The following LRRC27 variants were observed in gnomAD, a reference collection of about 807,000 sequenced individuals.
The protein encoded by LRRC27 is leucine-rich repeat-containing protein 27.
LRRC27 carries 57 observed loss-of-function variants against 55.0 expected under a neutral mutation model. That is an observed-to-expected ratio of 1.04 (90% CI 0.84 to 1.29). The LOEUF is 1.29. Ranked by LOEUF, LRRC27 falls within the 50% of genes most tolerant of loss-of-function variation. The pLI is 0.00. For missense variants in LRRC27, 721 were observed against 651.5 expected, an observed-to-expected ratio of 1.11 and a Z score of -1.16; for synonymous variants, 278 against 251.9, an observed-to-expected ratio of 1.10 and a Z score of -0.98.
rs763485575 is a variant in LRRC27, at chr10:132,365,558, T to C, written c.1416+8T>C. The C allele has an allele frequency of 5.6e-6, 9 of 1,612,032 alleles. No homozygotes were observed. In the African/African-American group the frequency reaches 1.2e-4, roughly 22 times the overall value. ...GCCGAGGATCTGGAAATTGTAAGGA[T>C]TTCTTGGTTCTGTTTAAAAAAGTGT... On this transcript the variant is annotated splice_region_variant and intron_variant, in intron 10 of 10. Transcript: ENST00000368614.
intron 2 of LRRC27, among the ~76,000 whole-genome samples, chr10:132,335,484 G>C (rs1232345909): frequency 1.3e-5 from 2 of 150,658 alleles, no homozygotes. Flanking sequence ...ATGGGGGGGG[G>C]TCACAGTCTT....
At chr10:132,364,715 G>A (rs1482265417) in intron 9 of LRRC27, among the ~76,000 whole-genome samples, 2 of 2,428 alleles carry the variant, frequency 8.2e-4, no homozygotes, top group African/African-American at 1.8e-3. Flanking sequence ...CCACACTCAT[G>A]CAGTCCGCGT....
chr10:132,337,792 A>G lies in LRRC27; in HGVS notation c.341+97A>G, dbSNP rs1158823076. 6 of 1,392,946 alleles carry G rather than the reference A, an allele frequency of 4.3e-6. No individual in the cohort carries two copies. In the African/African-American group the frequency reaches 7.3e-5, roughly 17 times the overall value. 86.3% of individuals were successfully genotyped at this position (1,392,946 alleles called of 1,614,324 possible). ...GTCCTTTACTCTTGATTAAATTTTT[A>G]CCTCGGAATAGAAACATTTAATAGT... On this transcript the variant is annotated intron_variant, in intron 3 of 10. Transcript: ENST00000368614.
chr10:132,344,503 G>T lies in LRRC27; in HGVS notation c.406G>T (p.Val136Leu). 6.2e-7 allele frequency: 1 copy of T among 1,612,534 alleles called. No homozygotes were observed. The part of the protein sequence containing the change: ...IKMLPVELGS[V>L]TTLKALNLRH... ...TTTTTTTTCCTCCACTGCAGGGAGC[G>T]TAACCACGCTGAAAGCACTGAACCT... The change falls in exon 5 of 11, where the codon GTA becomes TTA. Residue 136 changes from valine to leucine, a missense_variant. Physicochemically the swap from Val to Leu is conservative, Grantham distance 32. Transcript: ENST00000368614.
chr10:132,333,314 C>CAT (rs2066915640), intron 1 of LRRC27, among the ~76,000 whole-genome samples, 163 bp from the exon 2 acceptor site: 1 of 149,186 alleles, frequency 6.7e-6, no homozygotes. Flanking sequence ...CTTTGTATTC[C>CAT]TTTTTTTTTT....
chr10:132,365,163 A>G (rs2069004631), intron 9 of LRRC27, among the ~76,000 whole-genome samples: 1 of 152,236 alleles, frequency 6.6e-6, no homozygotes, highest in South Asian at 2.1e-4. Flanking sequence ...AAATAAGAAT[A>G]GTGTGTGTTC....
In LRRC27 at chr10:132,377,144, A is replaced by T. The variant is rs897302227; in HGVS notation, c.*1902A>T. ...GCATCTTCTTCCCTCCTTCTACTGT[A>T]CTGGATTTAAAGCGCACCTTATAGA... On this transcript the variant is annotated 3_prime_UTR_variant, in exon 11 of 11. Transcript: ENST00000368614. 1 of 151,956 alleles carries T rather than the reference A, an allele frequency of 6.6e-6. No homozygotes were observed. The highest frequency in any genetic ancestry group is 1.9e-4 in the East Asian group (1 of 5,168). 9.4% of individuals were successfully genotyped at this position (151,956 alleles called of 1,614,324 possible).
Position 132,376,936 on chromosome 10 carries a change from G to C in LRRC27, c.*1694G>C, listed in dbSNP as rs1013000292. ...AGTTATGTGAGTTTTTGCTATACGT[G>C]TTTTGGGGCTATTTTGTCAGATGCC... On this transcript the variant is annotated 3_prime_UTR_variant, in exon 11 of 11. Transcript: ENST00000368614. The C allele has an allele frequency of 6.6e-6, 1 of 152,212 alleles. No individual in the cohort carries two copies. The highest frequency in any genetic ancestry group is 2.4e-5 in the African/African-American group (1 of 41,448). The allele number at this position is 152,212 out of a possible 1,614,324, so 9.4% of individuals were successfully genotyped here. A position where few individuals can be genotyped will look rare whatever the true frequency, so the allele number is the denominator to read the frequency against.
At chr10:132,354,064 T>C (rs1590674826) in intron 7 of LRRC27, among the ~76,000 whole-genome samples, 5 of 152,130 alleles carry the variant, frequency 3.3e-5, no homozygotes, top group Admixed American at 3.3e-4. Context: ...GCCATGGCTG[T>C]GATGGAGGTG....
intron 10 of LRRC27, among the ~76,000 whole-genome samples, chr10:132,369,600 T>C (rs2133101591): frequency 6.6e-6 from 1 of 152,308 alleles, no homozygotes; most frequent in Admixed American, 6.5e-5. Context: ...GCAGTAAAAC[T>C]ACTCTTCATG....
At chr10:132,337,105 G>T (rs2067172152) in intron 2 of LRRC27, 18 of 1,232,864 alleles carry the variant, frequency 1.5e-5, no homozygotes, top group Non-Finnish European at 1.5e-5. Context: ...CTGTCTTTTA[G>T]TTTCATTTTA....
intron 9 of LRRC27, among the ~76,000 whole-genome samples, chr10:132,364,744 C>A (rs1160680678): frequency 8.6e-5 from 1 of 11,572 alleles, no homozygotes; most frequent in Admixed American, 1.6e-3. Flanking sequence ...ACATCTACCT[C>A]CACGCCCACA....
At chr10:132,367,734 A>G (rs1431693050) in intron 10 of LRRC27, among the ~76,000 whole-genome samples, 1 of 152,244 alleles carries the variant, frequency 6.6e-6, no homozygotes. Flanking sequence ...AACATCCAGA[A>G]AAGACTTACA....
intron 7 of LRRC27, chr10:132,353,282 T>G: frequency 8.2e-7 from 1 of 1,226,066 alleles, no homozygotes; most frequent in East Asian, 4.5e-5. Flanking sequence ...AATCTCTCCT[T>G]CCCTGGTCTG....
At position 132,381,331 on chromosome 10, in the gene LRRC27, C is replaced by G. The variant is rs1036936314; in HGVS notation, c.*6089C>G. Among the ~76,000 whole-genome samples, 1 of 152,362 alleles carries G rather than the reference C, an allele frequency of 6.6e-6. No homozygotes were observed. Among genetic ancestry groups the G allele is most frequent in the East Asian group, 1.9e-4 (1 of 5,190 alleles). The stretch of plus-strand genomic sequence containing the variant: ...ACACTGGTGTTTTGCCAGGGGCTCT[C>G]GGGCCTTCGGCCACAGACTGAAGGC... On this transcript the variant is annotated 3_prime_UTR_variant, in exon 11 of 11. Transcript: ENST00000368614.
chr10:132,364,265 G>A (rs540157153), intron 9 of LRRC27, among the ~76,000 whole-genome samples: 1 of 148,776 alleles, frequency 6.7e-6, no homozygotes, highest in Admixed American at 6.9e-5. Context: ...GAGTGAGACT[G>A]TGTGCCATTG....
chr10:132,351,862 C>T, intron 7 of LRRC27, 109 bp downstream of exon 7: 1 of 1,256,044 alleles, frequency 8.0e-7, no homozygotes, highest in Non-Finnish European at 1.1e-6. Flanking sequence ...TTAGTTCTCC[C>T]CTCACTGATG....
chr10:132,352,808 C>T (rs192054052), intron 7 of LRRC27: 5 of 1,542,862 alleles, frequency 3.2e-6, no homozygotes, highest in African/African-American at 2.7e-5. Context: ...CCCTTGTGTC[C>T]GTCTTTGCCC....
At chr10:132,351,298 C>CG in intron 6 of LRRC27, 1 of 318,784 alleles carries the variant, frequency 3.1e-6, no homozygotes, top group Non-Finnish European at 6.1e-6. Flanking sequence ...TCAAGCAGGT[C>CG]GGGTGCAGCT....
Sources: gnomAD v4.1 joint callset for allele counts (sites outside exome capture counted in the v4.1 genomes callset) on GRCh38, gnomAD v4.1.1 for gene constraint, MANE v1.5 for transcripts, NCBI Gene and HGNC (gene_info 2026-07-23, HGNC 2026-07-21) for gene names.